Variants in TCF20 observed in about 807,000 individuals in gnomAD.
The protein encoded by TCF20 is transcription factor 20.
In TCF20, 3 loss-of-function variants were observed where a neutral mutation model predicts 148.6. The ratio of observed to expected loss-of-function variants is 0.02; its 90% CI spans 0.01 to 0.05. TCF20 has a LOEUF of 0.05. Among genes scored for constraint, TCF20 ranks in the 10% least tolerant of loss-of-function variants. The pLI is 1.00. For missense variants in TCF20, 2,350 were observed against 2,429.3 expected, an observed-to-expected ratio of 0.97 and a Z score of 0.69; for synonymous variants, 1,049 against 909.5, an observed-to-expected ratio of 1.15 and a Z score of -2.76.
At chr22:42,251,535 C>G (rs1428942766) in intron 1 of TCF20, among the ~76,000 whole-genome samples, 1 of 117,202 alleles carries the variant, frequency 8.5e-6, no homozygotes, top group Non-Finnish European at 1.7e-5. Flanking sequence ...CAGAATCTCA[C>G]TCTGTCACCC....
chr22:42,331,039 TG>T (rs895649586), intron 1 of TCF20, among the ~76,000 whole-genome samples: 37 of 152,220 alleles, frequency 2.4e-4, no homozygotes, highest in Admixed American at 4.6e-4. Flanking sequence ...TGCTCGGGGC[TG>T]GGGCGGTCCT....
At chr22:42,169,703 C>T in intron 4 of TCF20, 144 bp downstream of exon 4, 1 of 761,772 alleles carries the variant, frequency 1.3e-6, no homozygotes, top group South Asian at 1.7e-5. Flanking sequence ...CTCCACCCTC[C>T]CAGGGCCAGG....
Position 42,210,624 on chromosome 22 carries a change from G to C in TCF20, c.4682C>G (p.Pro1561Arg). ...KKQQQPPPPP[P>R]QPPQIPEGSA... ...ACCTTCTGGTATCTGTGGGGGCTGA[G>C]GGGGTGGAGGCGGTGGCTGCTGCTG... is the stretch of plus-strand genomic sequence containing the variant. The change falls in exon 2 of 6, where the codon CCT becomes CGT. Residue 1561 changes from proline to arginine, a missense_variant. Pro to Arg is a moderately radical substitution (Grantham distance 103, BLOSUM62 -2). Coordinates refer to ENST00000677622, the MANE Select transcript of TCF20 (RefSeq NM_001378418.1). The surrounding 1 kb of genome is among the most constrained non-coding windows in gnomAD (Gnocchi z 4.7). 1 of 1,614,190 alleles carries C rather than the reference G, an allele frequency of 6.2e-7. No homozygotes were observed. Among genetic ancestry groups the C allele is most frequent in the Non-Finnish European group, 8.5e-7 (1 of 1,180,036 alleles).
Position 42,168,715 on chromosome 22 carries a change from G to T in TCF20, c.5821C>A (p.Pro1941Thr), listed in dbSNP as rs1245226121. Residue 1941 changes from proline (P) to threonine (T), a missense_variant, in exon 5 of 6, where the codon CCC becomes ACC. Pro to Thr is a conservative substitution (Grantham distance 38). Coordinates refer to ENST00000677622, the MANE Select transcript of TCF20 (RefSeq NM_001378418.1). ...TTCGCGGTCTTGTTCTGCAAGGGGGGGAGAGGGCACGGAAGGGGAGGCTGA... is the reference window on the plus strand; with the variant it reads ...TTCGCGGTCTTGTTCTGCAAGGGGGTGAGAGGGCACGGAAGGGGAGGCTGA... Reference protein sequence around the residue: ...KHKPPLPCPLPPLQNKTAKGS... With the variant: ...KHKPPLPCPLTPLQNKTAKGS... The T allele has an allele frequency of 1.2e-6, 2 of 1,611,246 alleles. No homozygotes were observed. Among genetic ancestry groups the T allele is most frequent in the Admixed American group, 1.7e-5 (1 of 59,808 alleles).
intron 1 of TCF20, among the ~76,000 whole-genome samples, chr22:42,331,342 G>A (rs949910372): frequency 2.6e-5 from 4 of 152,188 alleles, no homozygotes; most frequent in Non-Finnish European, 5.9e-5. Flanking sequence ...GACCTACTGT[G>A]TGCTCCCTGA....
Position 42,213,080 on chromosome 22 carries a change from T to C in TCF20, c.2226A>G (p.Arg742=), listed in dbSNP as rs1375360430. ...TTGGGAATTTTTCATTTCTACCCTT[T>C]CGTTCCCCATGGCCAGTGAAATCTC... ...EKGDFTGHGE[R]KGRNEKFPSL... is the part of the protein sequence containing the mutation. Residue 742 remains arginine (R), a synonymous_variant, in exon 2 of 6, where the codon CGA becomes CGG. Transcript: ENST00000677622. The C allele has an allele frequency of 6.2e-7, 1 of 1,614,144 alleles. No homozygotes were observed. Among genetic ancestry groups the C allele is most frequent in the East Asian group, 2.2e-5 (1 of 44,872 alleles).
chr22:42,186,956 C>G (rs1255906041), intron 2 of TCF20, among the ~76,000 whole-genome samples: 1 of 152,188 alleles, frequency 6.6e-6, no homozygotes, highest in Non-Finnish European at 1.5e-5. Flanking sequence ...ATGAGAAAAA[C>G]CGCCTCACAG....
intron 2 of TCF20, among the ~76,000 whole-genome samples, chr22:42,189,608 A>T (rs745905523): frequency 1.3e-5 from 2 of 152,250 alleles, no homozygotes; most frequent in African/African-American, 2.4e-5. Flanking sequence ...TTCTGTATTA[A>T]GAGTATTCTT....
At chr22:42,264,367 C>T (rs937178138) in intron 1 of TCF20, among the ~76,000 whole-genome samples, 1 of 152,118 alleles carries the variant, frequency 6.6e-6, no homozygotes, top group Non-Finnish European at 1.5e-5. Context: ...CAATACATCT[C>T]CACATTTTTT....
chr22:42,294,241 C>A (rs1462731954), intron 1 of TCF20, among the ~76,000 whole-genome samples: 1 of 152,216 alleles, frequency 6.6e-6, no homozygotes, highest in African/African-American at 2.4e-5. Context: ...AGAGCACAAA[C>A]CCTGCGTGCA....
intron 3 of TCF20, among the ~76,000 whole-genome samples, chr22:42,173,294 C>A (rs1414043736): frequency 6.6e-6 from 1 of 150,568 alleles, no homozygotes; most frequent in Non-Finnish European, 1.5e-5. Context: ...ACCCCCCCCA[C>A]CTGGAGCCAA....
At chr22:42,186,692 C>G (rs1245916217) in intron 2 of TCF20, among the ~76,000 whole-genome samples, 1 of 152,126 alleles carries the variant, frequency 6.6e-6, no homozygotes, top group African/African-American at 2.4e-5. Flanking sequence ...AGTTCTTGGC[C>G]AAGTCTCTGG....
At chr22:42,190,922 C>G (rs1937300769) in intron 2 of TCF20, among the ~76,000 whole-genome samples, 1 of 152,196 alleles carries the variant, frequency 6.6e-6, no homozygotes, top group Non-Finnish European at 1.5e-5. Flanking sequence ...AGGCAGATAT[C>G]AGCCACTTGC....
At chr22:42,241,664 T>C (rs926031950) in intron 1 of TCF20, among the ~76,000 whole-genome samples, 25 of 152,152 alleles carry the variant, frequency 1.6e-4, no homozygotes, top group African/African-American at 5.8e-4. Context: ...CCATCTCTAC[T>C]AAAAGTACAA....
At chr22:42,171,600 G>A (rs1387982742) in intron 3 of TCF20, among the ~76,000 whole-genome samples, 1 of 152,112 alleles carries the variant, frequency 6.6e-6, no homozygotes, top group Non-Finnish European at 1.5e-5. Flanking sequence ...CCCCCAGCAA[G>A]CAACTAGCAA....
rs771884525 is a variant in TCF20, at chr22:42,168,644, C to G, written c.*9G>C. The G allele has an allele frequency of 1.9e-6, 3 of 1,597,604 alleles. No individual in the cohort carries two copies. The highest frequency in any genetic ancestry group is 2.6e-6 in the Non-Finnish European group (3 of 1,171,948). ...TGTCCTTTCCATTCCCACGAGCACA[C>G]TGCCCCCCTCACCCCCGCTCCGACT... On this transcript the variant is annotated 3_prime_UTR_variant, in exon 5 of 6. Coordinates refer to ENST00000677622, the MANE Select transcript of TCF20 (RefSeq NM_001378418.1).
At chr22:42,200,384 C>T (rs1393960877) in intron 2 of TCF20, among the ~76,000 whole-genome samples, 4 of 152,036 alleles carry the variant, frequency 2.6e-5, no homozygotes, top group Admixed American at 6.5e-5. Flanking sequence ...TGGTGACTCA[C>T]GCCTATAATC....
At chr22:42,321,542 T>G (rs536060524) in intron 1 of TCF20, among the ~76,000 whole-genome samples, 2 of 151,970 alleles carry the variant, frequency 1.3e-5, no homozygotes, top group African/African-American at 4.8e-5. Flanking sequence ...CTTTTTACAA[T>G]TACCATTATA....
At chr22:42,189,298 T>A (rs55962220) in intron 2 of TCF20, among the ~76,000 whole-genome samples, 6,433 of 152,336 alleles carry the variant, frequency 0.042, 200 homozygotes, top group Non-Finnish European at 0.069. Context: ...TGTGGCAGTG[T>A]AAATCAGCAC....
Sources: allele counts gnomAD v4.1 joint callset (sites outside exome capture counted in the v4.1 genomes callset), GRCh38; gene constraint gnomAD v4.1.1; non-coding constraint Gnocchi (gnomAD v3.1); transcripts MANE v1.5; gene names NCBI Gene and HGNC (gene_info 2026-07-23, HGNC 2026-07-21).